The following DYNC1I1 variants were observed in gnomAD, a reference collection of about 807,000 sequenced individuals.
The protein encoded by DYNC1I1 is dynein cytoplasmic 1 intermediate chain 1, also known as cytoplasmic dynein 1 intermediate chain 1.
In DYNC1I1, 43 loss-of-function variants were observed where a neutral mutation model predicts 86.6. That is an observed-to-expected ratio of 0.50 (90% CI 0.39 to 0.64). DYNC1I1 has a LOEUF of 0.64. Ranked by LOEUF, DYNC1I1 falls within the 30% of genes least tolerant of loss-of-function variation. The pLI is 0.00. For synonymous variants in DYNC1I1, 262 were observed against 283.7 expected, an observed-to-expected ratio of 0.92 and a Z score of 0.77; for missense variants, 604 against 788.8, an observed-to-expected ratio of 0.77 and a Z score of 2.81.
rs551082826 is a variant in DYNC1I1, at chr7:95,849,922, G to A, written c.375-19961G>A. 5.3e-5 allele frequency among the ~76,000 whole-genome samples: 8 copies of A among 152,086 alleles called. No individual in the cohort carries two copies. In the South Asian group the frequency reaches 1.7e-3, roughly 32 times the overall value. On this transcript the variant is annotated intron_variant, in intron 5 of 16. Coordinates refer to ENST00000447467, the MANE Select transcript of DYNC1I1 (RefSeq NM_001135556.2). ...TCAGTATTTTATAGTTTTCAGTATA[G>A]AGATCTTTTATCTTTGTTAGATTTA...
intron 5 of DYNC1I1, among the ~76,000 whole-genome samples, chr7:95,855,494 G>A (rs1789694507): frequency 6.6e-6 from 1 of 152,104 alleles, no homozygotes; most frequent in African/African-American, 2.4e-5. Context: ...CTCCAAATTT[G>A]GAAAGCTTTC....
intron 5 of DYNC1I1, among the ~76,000 whole-genome samples, chr7:95,869,318 T>A (rs976898097): frequency 6.6e-6 from 1 of 152,162 alleles, no homozygotes; most frequent in Admixed American, 6.5e-5. Context: ...CCCCTTTCAC[T>A]CATCTGTGCT....
At chr7:95,859,555 G>A (rs1052143559) in intron 5 of DYNC1I1, among the ~76,000 whole-genome samples, 2 of 152,226 alleles carry the variant, frequency 1.3e-5, no homozygotes, top group Non-Finnish European at 2.9e-5. Context: ...TGGCTGATGT[G>A]GTGTTGGGGT....
intron 14 of DYNC1I1, among the ~76,000 whole-genome samples, chr7:96,067,911 T>A (rs2116209625): frequency 6.6e-6 from 1 of 152,102 alleles, no homozygotes; most frequent in South Asian, 2.1e-4. Flanking sequence ...AGAATGAGAG[T>A]AACAAATACG....
intron 16 of DYNC1I1, among the ~76,000 whole-genome samples, chr7:96,089,890 A>G (rs1790790618): frequency 6.6e-6 from 1 of 152,166 alleles, no homozygotes; most frequent in Non-Finnish European, 1.5e-5. Context: ...TAGAAAACCT[A>G]TAGTTAATAA....
chr7:96,033,163 G>A (rs1794851879), intron 12 of DYNC1I1, among the ~76,000 whole-genome samples: 1 of 152,208 alleles, frequency 6.6e-6, no homozygotes, highest in African/African-American at 2.4e-5. Context: ...TGGAGGGAAG[G>A]TAACCCAGCA....
In DYNC1I1 at chr7:95,813,093, C is replaced by CTTTTTTTTTTTTTTTTTTTTTT. The variant is rs11452827; in HGVS notation, c.224-140_224-139insTTTTTTTTTTTTTTTTTTTTTT. The CTTTTTTTTTTTTTTTTTTTTTT allele has an allele frequency of 5.4e-6, 6 of 1,114,300 alleles. 1 individual carries two copies. The highest frequency in any genetic ancestry group is 3.2e-5 in the East Asian group (1 of 31,374). 69.0% of individuals were successfully genotyped at this position (1,114,300 alleles called of 1,614,324 possible). A position where few individuals can be genotyped will look rare whatever the true frequency, so the allele number is the denominator to read the frequency against. On this transcript the variant is annotated intron_variant, in intron 3 of 16. Coordinates refer to ENST00000447467, the MANE Select transcript of DYNC1I1 (RefSeq NM_001135556.2). The stretch of plus-strand genomic sequence containing the variant: ...CACTGGACTTTTTTCCTTTTCTTTC[C>CTTTTTTTTTTTTTTTTTTTTTT]TTTTTTTTTTTTTTCTTTATCCCAT...
chr7:95,940,140 G>T (rs562003623), intron 6 of DYNC1I1, among the ~76,000 whole-genome samples: 3 of 152,196 alleles, frequency 2.0e-5, no homozygotes, highest in African/African-American at 4.8e-5. Context: ...CTCTCTTCTG[G>T]CTTGCAGAGT....
chr7:96,039,509 T>C, intron 14 of DYNC1I1, 88 bp downstream of exon 14: 1 of 1,549,790 alleles, frequency 6.5e-7, no homozygotes, highest in Non-Finnish European at 8.8e-7. Context: ...CCCTAAAGCC[T>C]CTTCCAGGCA....
At chr7:95,801,970 G>T (rs977310335) in intron 1 of DYNC1I1, among the ~76,000 whole-genome samples, 4 of 152,002 alleles carry the variant, frequency 2.6e-5, no homozygotes, top group African/African-American at 7.2e-5. Flanking sequence ...TTCCTCTCTG[G>T]CTGGCCCTCA....
chr7:95,951,423 T>C (rs1792549952), intron 6 of DYNC1I1, among the ~76,000 whole-genome samples: 1 of 152,094 alleles, frequency 6.6e-6, no homozygotes. Flanking sequence ...TCAGGACTAA[T>C]TTGGGGTAGT....
intron 14 of DYNC1I1, among the ~76,000 whole-genome samples, chr7:96,041,025 C>T: frequency 6.6e-6 from 1 of 151,942 alleles, no homozygotes; most frequent in East Asian, 1.9e-4. Flanking sequence ...CCTGGCCCAG[C>T]AGTGGATTTT....
chr7:95,774,595 G>C (rs1402036353), intron 1 of DYNC1I1, among the ~76,000 whole-genome samples: 1 of 152,204 alleles, frequency 6.6e-6, no homozygotes, highest in Non-Finnish European at 1.5e-5. Flanking sequence ...TTCGAAGAGA[G>C]TAAGAAGTCA....
intron 14 of DYNC1I1, among the ~76,000 whole-genome samples, chr7:96,058,047 C>T (rs1789639230): frequency 6.6e-6 from 1 of 152,158 alleles, no homozygotes. Context: ...GATCTTTCCT[C>T]TTCTGTCCAA....
chr7:95,862,971 T>A (rs1453228410), intron 5 of DYNC1I1, among the ~76,000 whole-genome samples: 4 of 152,222 alleles, frequency 2.6e-5, no homozygotes, highest in African/African-American at 4.8e-5. Flanking sequence ...TTTTTATTTT[T>A]AAAAATTGTG....
At chr7:95,935,550 A>G (rs879344497) in intron 6 of DYNC1I1, among the ~76,000 whole-genome samples, 1 of 152,098 alleles carries the variant, frequency 6.6e-6, no homozygotes, top group African/African-American at 2.4e-5. Context: ...AGGAACTGCC[A>G]AACTATTTTC....
intron 14 of DYNC1I1, among the ~76,000 whole-genome samples, chr7:96,048,052 C>T (rs973717816): frequency 2.6e-5 from 4 of 151,772 alleles, no homozygotes; most frequent in Non-Finnish European, 4.4e-5. Flanking sequence ...CCCATTTCTT[C>T]GGTGGAGTCA....
At chr7:96,108,739 G>A (rs1791259121) in intron 16 of DYNC1I1, among the ~76,000 whole-genome samples, 1 of 151,704 alleles carries the variant, frequency 6.6e-6, no homozygotes, top group Non-Finnish European at 1.5e-5. Context: ...GTGGGTGCCT[G>A]CAATCCCAGC....
intron 6 of DYNC1I1, among the ~76,000 whole-genome samples, chr7:95,976,875 A>G (rs941947527): frequency 2.0e-5 from 3 of 152,206 alleles, no homozygotes; most frequent in Non-Finnish European, 4.4e-5. Flanking sequence ...GCACTGTAAC[A>G]TCTGGCAGGG....
Sources: gnomAD v4.1 joint callset for allele counts (sites outside exome capture counted in the v4.1 genomes callset) on GRCh38, gnomAD v4.1.1 for gene constraint, MANE v1.5 for transcripts, NCBI Gene and HGNC (gene_info 2026-07-23, HGNC 2026-07-21) for gene names.